Variants in CCNT2 observed in about 807,000 individuals in gnomAD.
CCNT2 encodes the protein cyclin T2.
Under a neutral mutation model 70.0 loss-of-function variants are expected in CCNT2, and 18 were observed. The ratio of observed to expected loss-of-function variants is 0.26; its 90% CI spans 0.18 to 0.38. The LOEUF is 0.38. Among genes scored for constraint, CCNT2 ranks in the 10% least tolerant of loss-of-function variants. The pLI, the probability that CCNT2 is intolerant of heterozygous loss-of-function variation, is 1.00. For missense variants in CCNT2, 734 were observed against 890.2 expected (o/e 0.82, Z 2.23); for synonymous variants, 334 against 313.3 (o/e 1.07, Z -0.70).
intron 2 of CCNT2, among the ~76,000 whole-genome samples, chr2:134,924,459 A>AT (rs892507708): frequency 1.3e-5 from 2 of 151,794 alleles, no homozygotes; most frequent in Non-Finnish European, 2.9e-5. Flanking sequence ...ATTCTTTTTT[A>AT]TTTTTTTGAG....
intron 2 of CCNT2, among the ~76,000 whole-genome samples, chr2:134,921,578 T>G (rs1679910025): frequency 1.3e-5 from 2 of 152,174 alleles, no homozygotes; most frequent in African/African-American, 4.8e-5. Flanking sequence ...GGTCTTGAGC[T>G]CCTGACCTCA....
At chr2:134,947,179 G>A (rs1181993547) in intron 6 of CCNT2, among the ~76,000 whole-genome samples, 4 of 152,140 alleles carry the variant, frequency 2.6e-5, no homozygotes, top group Non-Finnish European at 5.9e-5. Context: ...TTTGGCAAAA[G>A]GTAAGTTTCC....
chr2:134,935,534 C>A (rs1485669228), intron 2 of CCNT2, among the ~76,000 whole-genome samples: 1 of 152,128 alleles, frequency 6.6e-6, no homozygotes, highest in Non-Finnish European at 1.5e-5. Context: ...TTGTTGACGC[C>A]CCCTGCAAGA....
chr2:134,944,466 AT>A (rs1395599753), intron 5 of CCNT2: 3 of 966,596 alleles, frequency 3.1e-6, no homozygotes, highest in East Asian at 1.1e-4. Flanking sequence ...AGAGATTAAT[AT>A]TTTTTGTACA....
At chr2:134,947,604 A>G in intron 6 of CCNT2, 132 bp from the exon 7 acceptor site, 1 of 521,728 alleles carries the variant, frequency 1.9e-6, no homozygotes, top group Non-Finnish European at 3.0e-6. Flanking sequence ...TTAATTTAAT[A>G]AAATAAGGTT....
intron 4 of CCNT2, among the ~76,000 whole-genome samples, chr2:134,941,578 TA>T (rs1377744831): frequency 1.2e-4 from 18 of 152,252 alleles, no homozygotes; most frequent in African/African-American, 4.3e-4. Context: ...GAAGTTTCTA[TA>T]AAATAAAAAG....
At chr2:134,935,745 CTT>C (rs888618768) in intron 2 of CCNT2, among the ~76,000 whole-genome samples, 13 of 151,918 alleles carry the variant, frequency 8.6e-5, no homozygotes, top group African/African-American at 1.7e-4. Context: ...GTTTCTCTGT[CTT>C]AGTATCTTTG....
chr2:134,945,692 T>C (rs539797536), intron 5 of CCNT2: 1 of 1,258,728 alleles, frequency 7.9e-7, no homozygotes, highest in East Asian at 5.5e-5. Flanking sequence ...CCAACTTAAA[T>C]ATGACTGAGG....
At chr2:134,951,382 A>G (rs1402776072) in intron 7 of CCNT2, among the ~76,000 whole-genome samples, 1 of 152,228 alleles carries the variant, frequency 6.6e-6, no homozygotes, top group Non-Finnish European at 1.5e-5. Context: ...GCTAGTAACT[A>G]TTAATGACAT....
chr2:134,927,510 C>A (rs1375945466), intron 2 of CCNT2, among the ~76,000 whole-genome samples: 1 of 152,058 alleles, frequency 6.6e-6, no homozygotes, highest in Non-Finnish European at 1.5e-5. Flanking sequence ...ATAACAAATT[C>A]TAAACTTAGG....
chr2:134,928,730 T>TG (rs956134405), intron 2 of CCNT2, among the ~76,000 whole-genome samples: 1 of 151,060 alleles, frequency 6.6e-6, no homozygotes, highest in Non-Finnish European at 1.5e-5. Context: ...ATTTAGAAGT[T>TG]GAAAAAAAAA....
chr2:134,938,578 A>G (rs546530617), intron 3 of CCNT2, among the ~76,000 whole-genome samples: 1 of 152,286 alleles, frequency 6.6e-6, no homozygotes, highest in African/African-American at 2.4e-5. Context: ...GTGACTTTTG[A>G]GGAATTACCA....
At chr2:134,945,828 C>T in intron 5 of CCNT2, 1 of 1,438,640 alleles carries the variant, frequency 7.0e-7, no homozygotes, top group Non-Finnish European at 9.2e-7. Flanking sequence ...AGATGCTTAA[C>T]TTAGTAACAA....
Position 134,953,967 on chromosome 2 carries a change from A to G in CCNT2, c.1512A>G (p.Ser504=), listed in dbSNP as rs1258176732. 3.7e-6 allele frequency: 6 copies of G among 1,614,080 alleles called. No homozygotes were observed. The African/African-American group carries it at 8.0e-5, about 22-fold the overall frequency. Residue 504 remains serine, a synonymous_variant, in exon 9 of 9, where the codon TCA becomes TCG. Transcript: ENST00000264157. ...CAGACAAAAAGGAAAAGAGTGGGTC[A>G]CTGAAATTACGGATTCCAATACCAC... is the stretch of plus-strand genomic sequence containing the variant. ...YMADKKEKSG[S]LKLRIPIPPT...
chr2:134,939,803 A>G (rs1278115501), intron 4 of CCNT2, among the ~76,000 whole-genome samples: 1 of 152,066 alleles, frequency 6.6e-6, no homozygotes, highest in African/African-American at 2.4e-5. Context: ...TAATTATTTA[A>G]ATGTTGGTCA....
chr2:134,954,889 A>G lies in CCNT2; in HGVS notation c.*241A>G. ...GGAAGGTGCAAAACTCAGTATTTCTACAATTGCAGCTAAGAACATTAGGAT... is the reference window on the plus strand; with the variant it reads ...GGAAGGTGCAAAACTCAGTATTTCTGCAATTGCAGCTAAGAACATTAGGAT... On this transcript the variant is annotated 3_prime_UTR_variant, in exon 9 of 9. Coordinates refer to ENST00000264157, the MANE Select transcript of CCNT2 (RefSeq NM_058241.3). 2.4e-6 allele frequency: 1 copy of G among 415,750 alleles called. No individual in the cohort carries two copies. The highest frequency in any genetic ancestry group is 5.3e-5 in the South Asian group (1 of 18,762). The allele number at this position is 415,750 out of a possible 1,614,324, so 25.8% of individuals were successfully genotyped here. A position where few individuals can be genotyped will look rare whatever the true frequency, so the allele number is the denominator to read the frequency against.
At chr2:134,949,111 C>A (rs1382783832) in intron 7 of CCNT2, among the ~76,000 whole-genome samples, 5 of 152,134 alleles carry the variant, frequency 3.3e-5, no homozygotes, top group African/African-American at 1.2e-4. Context: ...ACCTCTGCCT[C>A]CCAGGTTCAA....
intron 2 of CCNT2, among the ~76,000 whole-genome samples, chr2:134,936,103 C>T (rs1681127508): frequency 6.7e-6 from 1 of 148,958 alleles, no homozygotes; most frequent in African/African-American, 2.5e-5. Flanking sequence ...AATGGTGACT[C>T]TGTGCCTAGA....
intron 2 of CCNT2, among the ~76,000 whole-genome samples, chr2:134,922,944 G>A (rs1426974627): frequency 1.3e-5 from 2 of 151,942 alleles, no homozygotes; most frequent in Non-Finnish European, 2.9e-5. Context: ...CCTCTTTCTT[G>A]AGCTCTAGCA....
Sources: gnomAD v4.1 joint callset for allele counts (sites outside exome capture counted in the v4.1 genomes callset) on GRCh38, gnomAD v4.1.1 for gene constraint, MANE v1.5 for transcripts, NCBI Gene and HGNC (gene_info 2026-07-23, HGNC 2026-07-21) for gene names.